Variants in CEACAM6 observed in about 807,000 individuals in gnomAD.
CEACAM6 encodes CEA cell adhesion molecule 6.
CEACAM6 carries 21 observed loss-of-function variants against 32.4 expected under a neutral mutation model. That is an observed-to-expected ratio of 0.65 (90% CI 0.46 to 0.93). CEACAM6 has a LOEUF of 0.93. Among genes scored for constraint, CEACAM6 ranks in the 40% least tolerant of loss-of-function variants. CEACAM6 has a pLI of 0.00. For synonymous variants in CEACAM6, 184 were observed against 174.4 expected, an observed-to-expected ratio of 1.06 and a Z score of -0.43; for missense variants, 406 against 432.2, an observed-to-expected ratio of 0.94 and a Z score of 0.54.
chr19:41,755,772 G>T, intron 1 of CEACAM6, 70 bp downstream of exon 1: 2 of 1,357,496 alleles, frequency 1.5e-6, no homozygotes, highest in Non-Finnish European at 2.0e-6. Flanking sequence ...CTCCTGGGGA[G>T]GACAAGGCTC....
rs1555823022 is a variant in CEACAM6, at chr19:41,771,976, C to T, written c.*1215C>T. 1 of 151,998 alleles carries T rather than the reference C, an allele frequency of 6.6e-6. No individual in the cohort carries two copies. Among genetic ancestry groups the T allele is most frequent in the Non-Finnish European group, 1.5e-5 (1 of 67,978 alleles). 9.4% of individuals were successfully genotyped at this position (151,998 alleles called of 1,614,324 possible). A position where few individuals can be genotyped will look rare whatever the true frequency, so the allele number is the denominator to read the frequency against. ...AAAGAACACAGGAGATTCCAGTCTACTTGAGTTAGCATAATACAGAAGTCC... is the reference window on the plus strand; with the variant it reads ...AAAGAACACAGGAGATTCCAGTCTATTTGAGTTAGCATAATACAGAAGTCC... On this transcript the variant is annotated 3_prime_UTR_variant, in exon 6 of 6. Transcript: ENST00000199764.
At chr19:41,758,675 C>G (rs2072904218) in intron 2 of CEACAM6, among the ~76,000 whole-genome samples, 1 of 152,122 alleles carries the variant, frequency 6.6e-6, no homozygotes, top group Admixed American at 6.5e-5. Flanking sequence ...TTCTGCTCCT[C>G]TCTGTCCCTC....
chr19:41,771,838 C>G lies in CEACAM6; in HGVS notation c.*1077C>G, dbSNP rs1222629971. 2.0e-5 allele frequency: 3 copies of G among 152,156 alleles called. No individual in the cohort carries two copies. The East Asian group carries it at 5.8e-4, about 29-fold the overall frequency. 9.4% of individuals were successfully genotyped at this position (152,156 alleles called of 1,614,324 possible). On this transcript the variant is annotated 3_prime_UTR_variant, in exon 6 of 6. Coordinates refer to ENST00000199764, the MANE Select transcript of CEACAM6 (RefSeq NM_002483.7). ...TAATGCTTTAAGATTTGGTCACACT[C>G]TCACCTAGGTGAGCGCATTGAGCCA... is the stretch of plus-strand genomic sequence containing the variant.
intron 5 of CEACAM6, among the ~76,000 whole-genome samples, chr19:41,769,848 G>T (rs1270210243): frequency 6.8e-6 from 1 of 147,560 alleles, no homozygotes; most frequent in Non-Finnish European, 1.5e-5. Context: ...AATTGTAATT[G>T]TTAATTAATA....
intron 5 of CEACAM6, among the ~76,000 whole-genome samples, chr19:41,770,543 A>G (rs1335686878): frequency 6.6e-6 from 1 of 152,132 alleles, no homozygotes; most frequent in Non-Finnish European, 1.5e-5. Context: ...AACCTGGGCA[A>G]CAGGGCAAGA....
Position 41,761,953 on chromosome 19 carries a change from A to G in CEACAM6, c.704-16A>G, listed in dbSNP as rs2072927323. On this transcript the variant is annotated splice_polypyrimidine_tract_variant and intron_variant, in intron 3 of 5. Transcript: ENST00000199764. Reference sequence around the variant, plus strand: ...CTCTGACAACATCACCTGTGGCTTTATTCTGTTTCCTCCAGATGGCCCAGA... The same window carrying G: ...CTCTGACAACATCACCTGTGGCTTTGTTCTGTTTCCTCCAGATGGCCCAGA... 6.2e-7 allele frequency: 1 copy of G among 1,613,222 alleles called. No homozygotes were observed. The highest frequency in any genetic ancestry group is 1.7e-5 in the Admixed American group (1 of 59,988).
chr19:41,768,705 C>A (rs1267012294), intron 5 of CEACAM6, among the ~76,000 whole-genome samples: 1 of 145,046 alleles, frequency 6.9e-6, no homozygotes, highest in African/African-American at 2.5e-5. Flanking sequence ...ACCTCCCAGA[C>A]GGGGCGGCTG....
rs373281695 is a variant in CEACAM6 at position 41,761,359 on chromosome 19, T to A, written c.535T>A (p.Trp179Arg). 176 of 1,613,978 alleles carry A rather than the reference T, an allele frequency of 1.1e-4. No individual in the cohort carries two copies. Among genetic ancestry groups the A allele is most frequent in the Non-Finnish European group, 1.4e-4 (169 of 1,180,010 alleles). Reference sequence around the variant, plus strand: ...GGTTCAGAACACAACCTACCTGTGGTGGGTAAATGGTCAGAGCCTCCCGGT... The same window carrying A: ...GGTTCAGAACACAACCTACCTGTGGAGGGTAAATGGTCAGAGCCTCCCGGT... ...PEVQNTTYLW[W>R]VNGQSLPVSP... The change falls in exon 3 of 6, where the codon TGG becomes AGG. Residue 179 changes from tryptophan to arginine, a missense_variant. Transcript: ENST00000199764.
intron 4 of CEACAM6, among the ~76,000 whole-genome samples, chr19:41,764,910 A>G (rs572294447): frequency 5.3e-5 from 8 of 152,346 alleles, no homozygotes; most frequent in Admixed American, 1.3e-4. Flanking sequence ...TGAGCCTTCA[A>G]TTCTTCAACT....
chr19:41,761,182 T>C lies in CEACAM6; in HGVS notation c.425-67T>C, dbSNP rs946922128. Reference sequence around the variant, plus strand: ...GAGAGGTGAGAGATGCCAACTCTGATTGAAAGATGCCTGTGGAGGAATCAA... The same window carrying C: ...GAGAGGTGAGAGATGCCAACTCTGACTGAAAGATGCCTGTGGAGGAATCAA... On this transcript the variant is annotated intron_variant, in intron 2 of 5. Transcript: ENST00000199764. 1.3e-5 allele frequency: 21 copies of C among 1,608,824 alleles called. No individual in the cohort carries two copies. In the African/African-American group the frequency reaches 2.3e-4, roughly 17 times the overall value.
intron 2 of CEACAM6, 75 bp from the exon 3 acceptor site, chr19:41,761,174 A>C: frequency 6.2e-7 from 1 of 1,606,316 alleles, no homozygotes; most frequent in Non-Finnish European, 8.5e-7. Flanking sequence ...GAGAGATGCC[A>C]ACTCTGATTG....
At position 41,761,910 on chromosome 19, in the gene CEACAM6, C is replaced by A; in HGVS notation, c.704-59C>A. 3 of 1,595,050 alleles carry A rather than the reference C, an allele frequency of 1.9e-6. No individual in the cohort carries two copies. In the South Asian group the frequency reaches 3.4e-5, roughly 18 times the overall value. On this transcript the variant is annotated intron_variant, in intron 3 of 5. Transcript: ENST00000199764. The stretch of plus-strand genomic sequence containing the variant: ...GGGGACACCGTGGCCCTTCCACAGA[C>A]CAGGAACTTATGCTTCCCTCTGACA...
chr19:41,761,566 C>A (rs781858359), intron 3 of CEACAM6, 39 bp downstream of exon 3: 2 of 1,607,218 alleles, frequency 1.2e-6, no homozygotes, highest in South Asian at 1.1e-5. Flanking sequence ...AGGCTGCCAG[C>A]CCAAATCCAC....
chr19:41,767,492 G>A (rs1183157438), intron 5 of CEACAM6, among the ~76,000 whole-genome samples: 2 of 152,158 alleles, frequency 1.3e-5, no homozygotes, highest in African/African-American at 2.4e-5. Flanking sequence ...AAGTAGAAAG[G>A]AGCGAATGCC....
At chr19:41,762,362 A>G in intron 4 of CEACAM6, 139 bp downstream of exon 4, 1 of 941,080 alleles carries the variant, frequency 1.1e-6, no homozygotes, top group Non-Finnish European at 1.6e-6. Flanking sequence ...GAACCCTCCC[A>G]ATTCACCTCT....
intron 2 of CEACAM6, 52 bp from the exon 3 acceptor site, chr19:41,761,196 TG>T (rs2072920802): frequency 3.1e-6 from 5 of 1,612,566 alleles, no homozygotes; most frequent in African/African-American, 1.3e-5. Flanking sequence ...AAGATGCCTG[TG>T]GAGGAATCAA....
chr19:41,766,772 C>G (rs1385386206), intron 5 of CEACAM6, among the ~76,000 whole-genome samples: 1 of 151,992 alleles, frequency 6.6e-6, no homozygotes, highest in Non-Finnish European at 1.5e-5. Flanking sequence ...CTTGGGAGGC[C>G]GAGGTGGGCG....
chr19:41,767,700 G>C (rs997928936), intron 5 of CEACAM6, among the ~76,000 whole-genome samples: 4 of 152,112 alleles, frequency 2.6e-5, no homozygotes, highest in African/African-American at 9.7e-5. Flanking sequence ...TGTTCTAATA[G>C]GTAGGACTTG....
chr19:41,764,390 G>A (rs574016045), intron 4 of CEACAM6, among the ~76,000 whole-genome samples: 1 of 152,000 alleles, frequency 6.6e-6, no homozygotes, highest in Non-Finnish European at 1.5e-5. Context: ...GGGCTCAAGT[G>A]ATCCTCCTAC....
Sources: allele counts gnomAD v4.1 joint callset (sites outside exome capture counted in the v4.1 genomes callset), GRCh38; gene constraint gnomAD v4.1.1; transcripts MANE v1.5; gene names NCBI Gene and HGNC (gene_info 2026-07-23, HGNC 2026-07-21).